ALDH8A1: variants seen among roughly 807,000 people sequenced by gnomAD.
The protein encoded by ALDH8A1 is 2-aminomuconic semialdehyde dehydrogenase.
A neutral mutation model predicts 43.3 loss-of-function variants in ALDH8A1; 39 were observed. The observed-to-expected ratio is 0.90, with a 90% confidence interval of 0.70 to 1.18. ALDH8A1 has a LOEUF of 1.18. Among genes scored for constraint, ALDH8A1 ranks in the 50% most tolerant of loss-of-function variants. The pLI is 0.00. For missense variants in ALDH8A1, 605 were observed against 622.6 expected (o/e 0.97, Z 0.30); for synonymous variants, 233 against 243.5 (o/e 0.96, Z 0.40).
chr6:134,940,317 C>T (rs1773832641), intron 3 of ALDH8A1: 2 of 196,584 alleles, frequency 1.0e-5, no homozygotes, highest in South Asian at 6.5e-5. Flanking sequence ...CTGAGCTTTA[C>T]TTTTTCAAAA....
chr6:134,919,042 G>A (rs1776755995), intron 6 of ALDH8A1, among the ~76,000 whole-genome samples, 175 bp from the exon 7 acceptor site: 1 of 152,194 alleles, frequency 6.6e-6, no homozygotes, highest in African/African-American at 2.4e-5. Context: ...GGCGCTCCAA[G>A]CATCATTTGG....
intron 5 of ALDH8A1, among the ~76,000 whole-genome samples, 181 bp downstream of exon 5, chr6:134,932,595 A>C (rs1419307365): frequency 2.0e-5 from 3 of 152,184 alleles, no homozygotes; most frequent in Admixed American, 2.0e-4. Context: ...GTGACTCTGC[A>C]AGGCCACTAA....
intron 4 of ALDH8A1, among the ~76,000 whole-genome samples, chr6:134,937,587 C>T (rs1583031599): frequency 6.6e-6 from 1 of 152,214 alleles, no homozygotes; most frequent in African/African-American, 2.4e-5. Context: ...GGAAAGATAA[C>T]TCATCATCTA....
Position 134,936,244 on chromosome 6 carries a change from C to T in ALDH8A1, c.592+3022G>A, listed in dbSNP as rs543494561. Among the ~76,000 whole-genome samples, 5 of 152,352 alleles carry T rather than the reference C, an allele frequency of 3.3e-5. No individual in the cohort carries two copies. The East Asian group carries it at 7.7e-4, about 24-fold the overall frequency. ...GGGATTACAGGCATAAGCCACCATG[C>T]CTGGCCAAAGCACCACTTCTAAGCA... On this transcript the variant is annotated intron_variant, in intron 4 of 6. Transcript: ENST00000265605.
chr6:134,946,781 C>T (rs546291779), intron 1 of ALDH8A1, among the ~76,000 whole-genome samples: 1,631 of 148,592 alleles, frequency 0.011, 41 homozygotes, highest in African/African-American at 0.04. Flanking sequence ...CGCATGTGTG[C>T]GCGCGCGCAC....
intron 6 of ALDH8A1, among the ~76,000 whole-genome samples, chr6:134,925,407 T>C (rs1377038579): frequency 3.9e-5 from 6 of 152,200 alleles, no homozygotes; most frequent in Admixed American, 3.9e-4. Flanking sequence ...AGTTTTTGTG[T>C]TTATTTTGTT....
At chr6:134,939,528 T>A (rs756592428) in intron 3 of ALDH8A1, 113 bp from the exon 4 acceptor site, 6 of 1,208,238 alleles carry the variant, frequency 5.0e-6, no homozygotes, top group Non-Finnish European at 6.8e-6. Context: ...CTTAGCTTAC[T>A]CTTCTAACTT....
chr6:134,937,354 A>T (rs988917226), intron 4 of ALDH8A1, among the ~76,000 whole-genome samples: 1 of 152,210 alleles, frequency 6.6e-6, no homozygotes, highest in Non-Finnish European at 1.5e-5. Context: ...TGTGGTTCGC[A>T]TTCCTTCCAA....
intron 5 of ALDH8A1, among the ~76,000 whole-genome samples, chr6:134,930,350 G>A (rs191723830): frequency 6.6e-6 from 1 of 152,238 alleles, no homozygotes; most frequent in East Asian, 1.9e-4. Flanking sequence ...CAGGGGAGGG[G>A]TTATAACAGA....
rs1467115226 is a variant in ALDH8A1, at chr6:134,928,532, G to A, written c.1011+522C>T. ...TAAAATAACCCTAAATTGCCATCAA[G>A]GGCCAGATCTTCTCTTTTTGAAAAA... On this transcript the variant is annotated intron_variant, in intron 6 of 6. Transcript: ENST00000265605. Among the ~76,000 whole-genome samples the A allele has an allele frequency of 5.3e-5, 8 of 152,180 alleles. No individual in the cohort carries two copies. The South Asian group carries it at 6.2e-4, about 12-fold the overall frequency.
At chr6:134,946,197 T>A (rs1773946403) in intron 1 of ALDH8A1, among the ~76,000 whole-genome samples, 1 of 152,206 alleles carries the variant, frequency 6.6e-6, no homozygotes, top group Non-Finnish European at 1.5e-5. Flanking sequence ...ATGATTCTCA[T>A]CTTAATTAGA....
intron 4 of ALDH8A1, among the ~76,000 whole-genome samples, chr6:134,938,860 G>C (rs1773797835): frequency 6.6e-6 from 1 of 152,032 alleles, no homozygotes; most frequent in South Asian, 2.1e-4. Context: ...TATTAGCCAG[G>C]ATGGTCTCGA....
chr6:134,934,350 G>T (rs1773691444), intron 4 of ALDH8A1, among the ~76,000 whole-genome samples: 1 of 152,078 alleles, frequency 6.6e-6, no homozygotes, highest in African/African-American at 2.4e-5. Flanking sequence ...AACAAGAAAT[G>T]GATAATCTAT....
intron 3 of ALDH8A1, among the ~76,000 whole-genome samples, chr6:134,940,755 C>T (rs568118555): frequency 2.0e-5 from 3 of 152,300 alleles, no homozygotes; most frequent in African/African-American, 7.2e-5. Context: ...TATACTCTTC[C>T]CTCAAGCCTG....
chr6:134,945,825 A>T (rs926867259), intron 1 of ALDH8A1, among the ~76,000 whole-genome samples: 1 of 152,112 alleles, frequency 6.6e-6, no homozygotes, highest in Non-Finnish European at 1.5e-5. Flanking sequence ...AGTGACTGAT[A>T]TGGCTAGGTT....
At chr6:134,935,682 TC>T (rs1773722429) in intron 4 of ALDH8A1, among the ~76,000 whole-genome samples, 1 of 152,292 alleles carries the variant, frequency 6.6e-6, no homozygotes, top group Admixed American at 6.5e-5. Context: ...CTGGTTTCCT[TC>T]CCTTTGCTCC....
At position 134,918,207 on chromosome 6, in the gene ALDH8A1, A is replaced by G. The variant is rs529230522; in HGVS notation, c.*208T>C. On this transcript the variant is annotated 3_prime_UTR_variant, in exon 7 of 7. Transcript: ENST00000265605. ...GCATCATTGTTCTATCTTCCTACTT[A>G]TAAGTCTTTTTTTCCGAGTCCACAT... The G allele has an allele frequency of 5.1e-5, 29 of 571,098 alleles. No homozygotes were observed. The highest frequency in any genetic ancestry group is 7.7e-5 in the Non-Finnish European group (25 of 325,020). The allele number at this position is 571,098 out of a possible 1,614,324, so 35.4% of individuals were successfully genotyped here.
intron 1 of ALDH8A1, among the ~76,000 whole-genome samples, chr6:134,946,501 A>G (rs1233465794): frequency 6.6e-6 from 1 of 152,286 alleles, no homozygotes; most frequent in Non-Finnish European, 1.5e-5. Context: ...TAATATTAGC[A>G]TAAGTTAATA....
rs1441851617 is a variant in ALDH8A1 at position 134,929,158 on chromosome 6, A to T, written c.907T>A (p.Phe303Ile). Residue 303 changes from phenylalanine to isoleucine, a missense_variant, in exon 6 of 7, where the codon TTT (phenylalanine) becomes ATT (isoleucine). Coordinates refer to ENST00000265605, the MANE Select transcript of ALDH8A1 (RefSeq NM_022568.4). ...IFVQKSIYSE[F>I]LKRFVEATRK... ...GTAGCTTCTACAAATCTCTTTAAAAATTCACTATAGATGCTCTTCTGGACA... is the reference window on the plus strand; with the variant it reads ...GTAGCTTCTACAAATCTCTTTAAAATTTCACTATAGATGCTCTTCTGGACA... 6.2e-7 allele frequency: 1 copy of T among 1,614,176 alleles called. No individual in the cohort carries two copies. Among genetic ancestry groups the T allele is most frequent in the Middle Eastern group, 1.6e-4 (1 of 6,062 alleles).
Sources: gnomAD v4.1 joint callset for allele counts (sites outside exome capture counted in the v4.1 genomes callset) on GRCh38, gnomAD v4.1.1 for gene constraint, MANE v1.5 for transcripts, NCBI Gene and HGNC (gene_info 2026-07-23, HGNC 2026-07-21) for gene names.